Variants in MUC4 observed in about 807,000 individuals in gnomAD.
MUC4 encodes the protein mucin-4.
Under a neutral mutation model 257.9 loss-of-function variants are expected in MUC4, and 202 were observed. The ratio of observed to expected loss-of-function variants is 0.78; its 90% CI spans 0.70 to 0.88. MUC4 has a LOEUF of 0.88. Among genes scored for constraint, MUC4 ranks in the 40% least tolerant of loss-of-function variants. The pLI is 0.00. For synonymous variants in MUC4, 2,351 were observed against 2,757.1 expected (o/e 0.85, Z 4.62); for missense variants, 5,976 against 6,513.7 (o/e 0.92, Z 2.84).
intron 1 of MUC4, among the ~76,000 whole-genome samples, chr3:195,802,020 C>A (rs765912176): frequency 5.4e-4 from 82 of 152,152 alleles, no homozygotes; most frequent in Non-Finnish European, 4.3e-4. Flanking sequence ...GGCCACCCTG[C>A]GTCTACTCTC....
Position 195,789,661 on chromosome 3 carries a change from G to A in MUC4, c.1919C>T (p.Thr640Ile). 1 of 1,614,026 alleles carries A rather than the reference G, an allele frequency of 6.2e-7. No homozygotes were observed. Among genetic ancestry groups the A allele is most frequent in the South Asian group, 1.1e-5 (1 of 91,080 alleles). The change falls in exon 2 of 25, where the codon ACT (threonine) becomes ATT (isoleucine). Residue 640 changes from threonine to isoleucine, a missense_variant. Coordinates refer to ENST00000463781, the MANE Select transcript of MUC4 (RefSeq NM_018406.7). ...TTCTTGTGTGGTCTGCGGGGCTTGAGTGTGACCCCTTTGGGAAACAGCTGG... is the reference window on the plus strand; with the variant it reads ...TTCTTGTGTGGTCTGCGGGGCTTGAATGTGACCCCTTTGGGAAACAGCTGG... ...ESPAVSQRGH[T>I]QAPQTTQESQ...
At chr3:195,763,720 G>A in intron 11 of MUC4, 79 bp from the exon 12 acceptor site, 5 of 1,345,350 alleles carry the variant, frequency 3.7e-6, no homozygotes, top group Non-Finnish European at 5.0e-6. Context: ...GTCAGGTGCG[G>A]CACTTGTCCA....
rs1733142546 is a variant in MUC4, at chr3:195,788,330, C to G, written c.3250G>C (p.Gly1084Arg). 1.3e-6 allele frequency: 2 copies of G among 1,547,960 alleles called. No individual in the cohort carries two copies. The highest frequency in any genetic ancestry group is 2.1e-4 in the Middle Eastern group (1 of 4,740). Residue 1084 changes from glycine (G) to arginine (R), a missense_variant, in exon 2 of 25, where the codon GGT becomes CGT. By Grantham distance (125) the Gly-to-Arg change is moderately radical (BLOSUM62 -2). Coordinates refer to ENST00000463781, the MANE Select transcript of MUC4 (RefSeq NM_018406.7). The part of the protein sequence containing the change: ...PVTSLSSAST[G>R]DTTPLPVTDT... Reference sequence around the variant, plus strand: ...GTGACAGGAAGAGGGGTGGTGTCACCTGTGGATGCTGAGGAAAGGCTGGTG... The same window carrying G: ...GTGACAGGAAGAGGGGTGGTGTCACGTGTGGATGCTGAGGAAAGGCTGGTG...
intron 1 of MUC4, among the ~76,000 whole-genome samples, chr3:195,811,235 G>A (rs62282513): frequency 0.17 from 26,088 of 151,066 alleles, 2,446 homozygotes; most frequent in African/African-American, 0.22. Context: ...GTGCAGTGGC[G>A]CGATCTTGGC....
In MUC4 at chr3:195,759,159, G is replaced by C; in HGVS notation, c.14951C>G (p.Thr4984Arg). The C allele has an allele frequency of 6.2e-7, 1 of 1,614,036 alleles. No homozygotes were observed. The highest frequency in any genetic ancestry group is 8.5e-7 in the Non-Finnish European group (1 of 1,180,010). ...YTSNAEDANF[T>R]LRDSCTDLEL... ...CAAGTCGGTGCAGCTGTCTCTGAGC[G>C]TGAAGTTGGCATCCTCAGCATTGCT... Residue 4984 changes from threonine to arginine, a missense_variant, in exon 17 of 25, where the codon ACG becomes AGG. Physicochemically the swap from Thr to Arg is moderately conservative, Grantham distance 71. Coordinates refer to ENST00000463781, the MANE Select transcript of MUC4 (RefSeq NM_018406.7).
rs1722938689 is a variant in MUC4 at position 195,771,798 on chromosome 3, T to C, written c.13096A>G (p.Ile4366Val). 6.2e-7 allele frequency: 1 copy of C among 1,613,888 alleles called. No individual in the cohort carries two copies. The highest frequency in any genetic ancestry group is 8.5e-7 in the Non-Finnish European group (1 of 1,179,826). Residue 4366 changes from isoleucine to valine, a missense_variant, in exon 5 of 25, where the codon ATC becomes GTC. Ile to Val is a conservative substitution (Grantham distance 29). Coordinates refer to ENST00000463781, the MANE Select transcript of MUC4 (RefSeq NM_018406.7). The stretch of plus-strand genomic sequence containing the variant: ...TGGTAGTCTGACTCTGGGAAGATGA[T>C]CTGGCCATTGTCTGTGAACTGAGCA... ...DSLYFTDNGQIIFPESDYQIF... is the reference protein window; with the variant it reads ...DSLYFTDNGQVIFPESDYQIF...
intron 20 of MUC4, among the ~76,000 whole-genome samples, 196 bp downstream of exon 20, chr3:195,752,855 G>A (rs1192427434): frequency 6.6e-6 from 1 of 152,212 alleles, no homozygotes; most frequent in African/African-American, 2.4e-5. Context: ...GGCCACACAG[G>A]CCCGTGGTCC....
chr3:195,786,810 A>G lies in MUC4; in HGVS notation c.4770T>C (p.Thr1590=). The part of the protein sequence containing the change: ...GHTTPLPVTD[T]SSASKGDTTP... ...TGGTGTCACCTTTGGATGCTGAGGA[A>G]GTGTCGGTGACAGGAAGAGGGGTGG... The change falls in exon 2 of 25, where the codon ACT becomes ACC. Residue 1590 remains threonine (T), a synonymous_variant. Coordinates refer to ENST00000463781, the MANE Select transcript of MUC4 (RefSeq NM_018406.7). 2 of 1,519,630 alleles carry G rather than the reference A, an allele frequency of 1.3e-6. No individual in the cohort carries two copies. Among genetic ancestry groups the G allele is most frequent in the Non-Finnish European group, 1.8e-6 (2 of 1,130,282 alleles). 94.1% of individuals were successfully genotyped at this position (1,519,630 alleles called of 1,614,324 possible).
At chr3:195,760,046 A>G (rs550657648) in intron 16 of MUC4, among the ~76,000 whole-genome samples, 1 of 150,874 alleles carries the variant, frequency 6.6e-6, no homozygotes, top group South Asian at 2.1e-4. Flanking sequence ...TTTCCATTTC[A>G]TAGTTGCTTC....
In MUC4 at chr3:195,786,939, T is replaced by C. The variant is rs752334834; in HGVS notation, c.4641A>G (p.Thr1547=). Residue 1547 remains threonine (T), a synonymous_variant, in exon 2 of 25, where the codon ACA becomes ACG. Transcript: ENST00000463781. The stretch of plus-strand genomic sequence containing the variant: ...TGACAGGAAGAGGGGTGGTGTCACC[T>C]GTGGATGCTGAGGAAGGGCTAGTGA... The part of the protein sequence containing the change: ...LPVTSPSSAS[T]GDTTPLPVTD... 8.7e-6 allele frequency: 8 copies of C among 922,544 alleles called. No homozygotes were observed. In the Admixed American group the frequency reaches 2.6e-4, roughly 30 times the overall value. 57.1% of individuals were successfully genotyped at this position (922,544 alleles called of 1,614,324 possible).
chr3:195,787,963 G>C lies in MUC4; in HGVS notation c.3617C>G (p.Thr1206Ser), dbSNP rs1195382489. The change falls in exon 2 of 25, where the codon ACT becomes AGT. Residue 1206 changes from threonine (T) to serine (S), a missense_variant. By Grantham distance (58) the Thr-to-Ser change is moderately conservative (BLOSUM62 1). Coordinates refer to ENST00000463781, the MANE Select transcript of MUC4 (RefSeq NM_018406.7). ...GGCGTGTCCTGTGGATGCTGAGGAA[G>C]TGTCGGTGACAAGAAGAGGGGTGGC... ...GHATPLLVTD[T>S]SSASTGHATP... The C allele has an allele frequency of 3.3e-6, 4 of 1,222,070 alleles. 1 individual carries two copies. The highest frequency in any genetic ancestry group is 5.0e-5 in the Admixed American group (2 of 39,716). 75.7% of individuals were successfully genotyped at this position (1,222,070 alleles called of 1,614,324 possible).
Position 195,757,318 on chromosome 3 carries a change from C to T in MUC4, c.14997G>A (p.Thr4999=), listed in dbSNP as rs1314593760. 6 of 1,595,576 alleles carry T rather than the reference C, an allele frequency of 3.8e-6. No homozygotes were observed. The highest frequency in any genetic ancestry group is 1.7e-5 in the Admixed American group (1 of 59,678). The change falls in exon 18 of 25, where the codon ACG becomes ACA. Residue 4999 remains threonine, a synonymous_variant. Coordinates refer to ENST00000463781, the MANE Select transcript of MUC4 (RefSeq NM_018406.7). This position sits in a 1 kb window ranked among gnomAD's most constrained non-coding sequence, Gnocchi z 4.8. ...CTDLELFENG[T]LLWTPKSLEP... The stretch of plus-strand genomic sequence containing the variant: ...CCAGCGACTTGGGTGTCCACAGCAA[C>T]GTCCCATTCTCTGCCCCGGGGAAGA...
chr3:195,781,415 G>T lies in MUC4; in HGVS notation c.10165C>A (p.Gln3389Lys), dbSNP rs531752002. The T allele has an allele frequency of 1.0e-4, 154 of 1,528,860 alleles. 13 individuals are homozygous for T. In the African/African-American group the frequency reaches 2.1e-3, roughly 21 times the overall value. 94.7% of individuals were successfully genotyped at this position (1,528,860 alleles called of 1,614,324 possible). A position where few individuals can be genotyped will look rare whatever the true frequency, so the allele number is the denominator to read the frequency against. The change falls in exon 2 of 25, where the codon CAG becomes AAG. Residue 3389 changes from glutamine to lysine, a missense_variant. By Grantham distance (53) the Gln-to-Lys change is moderately conservative. Around this residue, in one of 44 missense-constraint regions of MUC4, gnomAD observed 297 missense variants for 240.9 expected, o/e 1.23. Transcript: ENST00000463781. ...VTDISSASTG[Q>K]ATPLPVTNTS... ...TTGGTGACAGGAAGAGGGGTGGCCT[G>T]ACCTGTGGATGCCGAGGAAATGTCG...
At position 195,782,872 on chromosome 3, in the gene MUC4, G is replaced by T. The variant is rs182427851; in HGVS notation, c.8708C>A (p.Ser2903Tyr). 2.7e-3 allele frequency: 4,153 copies of T among 1,520,478 alleles called. 13 individuals carry two copies. In the African/African-American group the frequency reaches 0.053, roughly 19 times the overall value. The allele number at this position is 1,520,478 out of a possible 1,614,324, so 94.2% of individuals were successfully genotyped here. The part of the protein sequence containing the change: ...HATPLPLTSL[S>Y]SVSTGDTTPL... The stretch of plus-strand genomic sequence containing the variant: ...CGTGGTGTCACCTGTGGATACTGAG[G>T]AAAGGCTGGTGAGAGGAAGAGGGGT... The change falls in exon 2 of 25, where the codon TCC (serine) becomes TAC (tyrosine). Residue 2903 changes from serine to tyrosine, a missense_variant. Physicochemically the swap from Ser to Tyr is moderately radical, Grantham distance 144. This residue lies in a region of MUC4 where 228 missense variants were observed against 206.3 expected (regional missense o/e 1.11). Transcript: ENST00000463781.
At chr3:195,767,707 ACCATCGG>A (rs1721427211) in intron 7 of MUC4, among the ~76,000 whole-genome samples, 2 of 588 alleles carry the variant, frequency 3.4e-3, no homozygotes, top group Non-Finnish European at 3.8e-3. Flanking sequence ...AAAAAATACC[ACCATCGG>A]CCACCACCAC....
chr3:195,801,147 C>T (rs1211250849), intron 1 of MUC4, among the ~76,000 whole-genome samples: 9 of 152,202 alleles, frequency 5.9e-5, no homozygotes, highest in Non-Finnish European at 1.2e-4. Context: ...GTTCTTGCTG[C>T]TCAAGTGTTG....
chr3:195,774,149 C>T (rs762397903), intron 4 of MUC4, 23 bp downstream of exon 4: 24 of 1,585,674 alleles, frequency 1.5e-5, no homozygotes, highest in East Asian at 1.2e-4. Flanking sequence ...GTTCAGGCTG[C>T]GCGGGCCGCA....
intron 16 of MUC4, 74 bp from the exon 17 acceptor site, chr3:195,759,335 A>C: frequency 6.4e-7 from 1 of 1,563,298 alleles, no homozygotes; most frequent in African/African-American, 1.4e-5. Context: ...CTCTTTCTCA[A>C]CTCTAATATG....
chr3:195,767,913 T>C (rs13326930), intron 7 of MUC4, among the ~76,000 whole-genome samples: 95,621 of 110,180 alleles, frequency 0.87, 42,052 homozygotes, highest in South Asian at 0.96. Context: ...ACCATCACCA[T>C]CGCCACTGCC....
Sources: allele counts gnomAD v4.1 joint callset (sites outside exome capture counted in the v4.1 genomes callset), GRCh38; gene constraint gnomAD v4.1.1; regional missense constraint gnomAD v4.1.1; non-coding constraint Gnocchi (gnomAD v3.1); transcripts MANE v1.5; gene names NCBI Gene and HGNC (gene_info 2026-07-23, HGNC 2026-07-21).